EXOC4: variants seen among roughly 807,000 people sequenced by gnomAD.
The protein encoded by EXOC4 is exocyst complex component 4.
A neutral mutation model predicts 107.2 loss-of-function variants in EXOC4; 71 were observed. The ratio of observed to expected loss-of-function variants is 0.66; its 90% CI spans 0.55 to 0.81. The LOEUF is 0.81. Ranked by LOEUF, EXOC4 falls within the 30% of genes least tolerant of loss-of-function variation. The pLI, the probability that EXOC4 is intolerant of heterozygous loss-of-function variation, is 0.00. For synonymous variants in EXOC4, 456 were observed against 441.2 expected, an observed-to-expected ratio of 1.03 and a Z score of -0.42; for missense variants, 1,108 against 1,189.6, an observed-to-expected ratio of 0.93 and a Z score of 1.01.
At chr7:133,968,901 G>C (rs1024459965) in intron 14 of EXOC4, among the ~76,000 whole-genome samples, 1 of 152,122 alleles carries the variant, frequency 6.6e-6, no homozygotes, top group African/African-American at 2.4e-5. Flanking sequence ...TGCTAGGCTG[G>C]GGAAGTTCTC....
chr7:133,544,148 CAA>C (rs1173441610), intron 9 of EXOC4, among the ~76,000 whole-genome samples: 9 of 152,038 alleles, frequency 5.9e-5, no homozygotes, highest in Non-Finnish European at 1.3e-4. Context: ...CTAAACAGAA[CAA>C]AGATTCCTCA....
chr7:133,593,515 G>A (rs2150980355), intron 9 of EXOC4, among the ~76,000 whole-genome samples: 1 of 152,232 alleles, frequency 6.6e-6, no homozygotes, highest in East Asian at 1.9e-4. Context: ...ATGTGTTTTG[G>A]GGAGTCTGGA....
At chr7:133,899,212 C>G (rs377134127) in intron 12 of EXOC4, among the ~76,000 whole-genome samples, 3 of 151,844 alleles carry the variant, frequency 2.0e-5, no homozygotes, top group African/African-American at 7.3e-5. Context: ...GGAGATGTTG[C>G]GTAACCTGAC....
At chr7:133,750,667 A>G (rs1795778043) in intron 10 of EXOC4, among the ~76,000 whole-genome samples, 1 of 151,770 alleles carries the variant, frequency 6.6e-6, no homozygotes, top group Admixed American at 6.6e-5. Context: ...TGCAACCCAA[A>G]TCTCCTGGTT....
chr7:134,095,472 C>G, the EXOC4 span, among the ~76,000 whole-genome samples: 1 of 152,166 alleles, frequency 6.6e-6, no homozygotes, highest in African/African-American at 2.4e-5. Flanking sequence ...AAAAACTATT[C>G]TAAAATTCAT....
chr7:133,967,108 C>T (rs144636590), intron 14 of EXOC4, among the ~76,000 whole-genome samples: 21 of 152,150 alleles, frequency 1.4e-4, no homozygotes, highest in Middle Eastern at 3.4e-3. Context: ...CTAGTTTATT[C>T]ACATAGAGGT....
At chr7:133,481,396 C>CT (rs11430326) in intron 9 of EXOC4, among the ~76,000 whole-genome samples, 152,300 of 152,300 alleles carry the variant, frequency 1, 76,150 homozygotes, top group Non-Finnish European at 1. Context: ...CTTTTACTGT[C>CT]TTGATGCGTT....
At chr7:133,333,966 A>G (rs908459216) in intron 5 of EXOC4, among the ~76,000 whole-genome samples, 2 of 152,248 alleles carry the variant, frequency 1.3e-5, no homozygotes, top group African/African-American at 4.8e-5. Context: ...GCATATTAGA[A>G]GGCTTATAAT....
chr7:133,580,963 G>A (rs1801252833), intron 9 of EXOC4, among the ~76,000 whole-genome samples: 1 of 152,216 alleles, frequency 6.6e-6, no homozygotes, highest in Non-Finnish European at 1.5e-5. Context: ...AACTTTTCAG[G>A]AAGTAACTAA....
chr7:133,976,160 G>C (rs780288536), intron 14 of EXOC4, among the ~76,000 whole-genome samples: 14 of 152,174 alleles, frequency 9.2e-5, no homozygotes, highest in Non-Finnish European at 1.6e-4. Context: ...ACAAAATGCA[G>C]TGTGTGGCTA....
intron 10 of EXOC4, among the ~76,000 whole-genome samples, chr7:133,750,557 T>C (rs898078411): frequency 1.3e-5 from 2 of 149,968 alleles, no homozygotes; most frequent in Admixed American, 6.7e-5. Context: ...GTAACTGTTG[T>C]GTGAGGGGAT....
chr7:134,067,137 G>A (rs1372530085), downstream of EXOC4, among the ~76,000 whole-genome samples: 5 of 139,152 alleles, frequency 3.6e-5, no homozygotes, highest in South Asian at 2.5e-4. Flanking sequence ...GCGACAGAGC[G>A]ACACTCTGTC....
chr7:133,725,158 A>T (rs1004716315), intron 10 of EXOC4, among the ~76,000 whole-genome samples: 8 of 152,326 alleles, frequency 5.3e-5, no homozygotes, highest in African/African-American at 1.7e-4. Context: ...CTGAATTTTT[A>T]AATTTAATAG....
At chr7:133,645,086 CTTT>C (rs35058872) in intron 10 of EXOC4, among the ~76,000 whole-genome samples, 51,507 of 123,690 alleles carry the variant, frequency 0.42, 10,098 homozygotes, top group Admixed American at 0.56. Flanking sequence ...CTTCTGCCAC[CTTT>C]TTTTTTTTTT....
chr7:133,419,347 A>G (rs1308426638), intron 7 of EXOC4, among the ~76,000 whole-genome samples: 1 of 152,194 alleles, frequency 6.6e-6, no homozygotes, highest in African/African-American at 2.4e-5. Flanking sequence ...ACTTATTTAC[A>G]GATGCAGTGA....
intron 11 of EXOC4, among the ~76,000 whole-genome samples, chr7:133,847,454 C>T (rs1798151776): frequency 6.6e-6 from 1 of 150,462 alleles, no homozygotes; most frequent in Non-Finnish European, 1.5e-5. Flanking sequence ...TCTCTGCTGA[C>T]TGCAACTTCC....
At chr7:133,673,919 C>T (rs1794000130) in intron 10 of EXOC4, among the ~76,000 whole-genome samples, 1 of 152,138 alleles carries the variant, frequency 6.6e-6, no homozygotes, top group African/African-American at 2.4e-5. Context: ...TTGTTAAAGC[C>T]ACTCACAGTC....
intron 7 of EXOC4, among the ~76,000 whole-genome samples, chr7:133,391,553 G>A (rs547317048): frequency 1.3e-5 from 2 of 152,334 alleles, no homozygotes; most frequent in East Asian, 1.9e-4. Context: ...AGCATCTGCT[G>A]TGACTAAGGA....
chr7:133,556,013 G>A (rs568181461), intron 9 of EXOC4, among the ~76,000 whole-genome samples: 48 of 152,210 alleles, frequency 3.2e-4, no homozygotes, highest in African/African-American at 1.2e-3. Flanking sequence ...TATGTTCTTC[G>A]TGGATTGTTT....
Sources: gnomAD v4.1 joint callset for allele counts (sites outside exome capture counted in the v4.1 genomes callset) on GRCh38, gnomAD v4.1.1 for gene constraint, MANE v1.5 for transcripts, NCBI Gene and HGNC (gene_info 2026-07-23, HGNC 2026-07-21) for gene names.